Variants in KATNIP observed in about 807,000 individuals in gnomAD.
The protein encoded by KATNIP is katanin-interacting protein.
In KATNIP, 126 loss-of-function variants were observed where a neutral mutation model predicts 174.0. The observed-to-expected ratio is 0.72, with a 90% CI of 0.63 to 0.84. The LOEUF is 0.84. KATNIP is among the 40% of genes least tolerant of loss of function. The pLI is 0.00. For synonymous variants in KATNIP, 810 were observed against 835.7 expected (o/e 0.97, Z 0.53); for missense variants, 1,958 against 2,109.7 (o/e 0.93, Z 1.41).
At chr16:27,674,574 G>A (rs756275340) in intron 6 of KATNIP, among the ~76,000 whole-genome samples, 1 of 152,104 alleles carries the variant, frequency 6.6e-6, no homozygotes, top group Admixed American at 6.5e-5. Flanking sequence ...ATTTGATGTT[G>A]ATCTTCCTGC....
At chr16:27,601,875 C>T (rs2075538294) in intron 2 of KATNIP, among the ~76,000 whole-genome samples, 1 of 152,154 alleles carries the variant, frequency 6.6e-6, no homozygotes, top group African/African-American at 2.4e-5. Context: ...GCCTGCTGGG[C>T]TGGTGGTGAT....
intron 13 of KATNIP, among the ~76,000 whole-genome samples, chr16:27,720,960 G>A (rs1298163583): frequency 2.0e-5 from 3 of 152,164 alleles, no homozygotes; most frequent in Non-Finnish European, 4.4e-5. Flanking sequence ...GAGAATGACA[G>A]CAAGGCGTCT....
At position 27,615,790 on chromosome 16, in the gene KATNIP, C is replaced by T. The variant is rs891018822; in HGVS notation, c.64-2635C>T. On this transcript the variant is annotated intron_variant, in intron 2 of 27. Transcript: ENST00000261588. ...CAATGGAAAAGGATGGAGAGAAGAC[C>T]TATTGCATTAAGTTAAGGTGGTCCT... 3.3e-5 allele frequency among the ~76,000 whole-genome samples: 5 copies of T among 152,246 alleles called. 1 individual carries two copies. Among genetic ancestry groups the T allele is most frequent in the Admixed American group, 2.0e-4 (3 of 15,294 alleles).
chr16:27,596,399 A>C (rs1262287040), intron 2 of KATNIP, among the ~76,000 whole-genome samples: 1 of 152,140 alleles, frequency 6.6e-6, no homozygotes, highest in Non-Finnish European at 1.5e-5. Context: ...AGAGAGAGTG[A>C]GAGCAGGCTT....
chr16:27,716,927 C>G (rs983969967), intron 13 of KATNIP, among the ~76,000 whole-genome samples: 3 of 152,140 alleles, frequency 2.0e-5, no homozygotes, highest in Non-Finnish European at 4.4e-5. Context: ...TCACTGCAAC[C>G]TCCACCTCCC....
chr16:27,735,926 A>AT (rs1431944510), intron 14 of KATNIP, among the ~76,000 whole-genome samples: 2 of 152,214 alleles, frequency 1.3e-5, no homozygotes, highest in South Asian at 2.1e-4. Flanking sequence ...GATCAGGTTC[A>AT]TTCTTAGAGC....
intron 8 of KATNIP, among the ~76,000 whole-genome samples, chr16:27,688,933 C>T (rs896190081): frequency 1.9e-4 from 29 of 152,172 alleles, no homozygotes; most frequent in Admixed American, 3.9e-4. Flanking sequence ...TGGCATGGCC[C>T]AGGCTGAGCC....
chr16:27,596,065 G>T (rs1395576475), intron 2 of KATNIP, among the ~76,000 whole-genome samples: 2 of 151,494 alleles, frequency 1.3e-5, no homozygotes, highest in African/African-American at 4.9e-5. Context: ...GGCAGTGGGA[G>T]CCAGGGGAGC....
chr16:27,608,144 A>G (rs1019939556), intron 2 of KATNIP, among the ~76,000 whole-genome samples: 1 of 151,956 alleles, frequency 6.6e-6, no homozygotes, highest in East Asian at 1.9e-4. Flanking sequence ...GTCTTTAAGT[A>G]TAACTGATTC....
chr16:27,667,498 C>A (rs1305468827), intron 6 of KATNIP, among the ~76,000 whole-genome samples: 1 of 152,046 alleles, frequency 6.6e-6, no homozygotes, highest in Non-Finnish European at 1.5e-5. Context: ...GCAATATATG[C>A]CAGACTCAAG....
At chr16:27,694,101 A>G (rs573438338) in intron 8 of KATNIP, among the ~76,000 whole-genome samples, 2 of 152,062 alleles carry the variant, frequency 1.3e-5, no homozygotes, top group East Asian at 3.9e-4. Flanking sequence ...CTATTCCTTC[A>G]TTTTAGCTTA....
At chr16:27,680,253 CG>C (rs1225234278) in intron 7 of KATNIP, among the ~76,000 whole-genome samples, 1 of 152,148 alleles carries the variant, frequency 6.6e-6, no homozygotes. Context: ...GGCGCACCTG[CG>C]GGAGCAGCAA....
At chr16:27,735,036 G>GA in intron 14 of KATNIP, among the ~76,000 whole-genome samples, 1 of 152,318 alleles carries the variant, frequency 6.6e-6, no homozygotes, top group East Asian at 1.9e-4. Context: ...TCCCTATGGG[G>GA]ACCCCACTCT....
intron 14 of KATNIP, among the ~76,000 whole-genome samples, chr16:27,730,706 C>T (rs1490370231): frequency 1.3e-5 from 2 of 152,204 alleles, no homozygotes; most frequent in Non-Finnish European, 2.9e-5. Flanking sequence ...CTGCCTTAGG[C>T]CCCTTGTGGG....
intron 21 of KATNIP, among the ~76,000 whole-genome samples, chr16:27,770,864 A>G (rs1473953100): frequency 1.3e-5 from 2 of 152,190 alleles, no homozygotes; most frequent in Non-Finnish European, 2.9e-5. Flanking sequence ...CAAAGCCATC[A>G]GGGCTGTGCC....
At chr16:27,614,222 G>C (rs1474301304) in intron 2 of KATNIP, among the ~76,000 whole-genome samples, 1 of 151,982 alleles carries the variant, frequency 6.6e-6, no homozygotes, top group Non-Finnish European at 1.5e-5. Context: ...CTGGAGTGCA[G>C]TGGTGCTATC....
chr16:27,630,712 C>G (rs1400071313), intron 4 of KATNIP, among the ~76,000 whole-genome samples: 1 of 152,214 alleles, frequency 6.6e-6, no homozygotes, highest in East Asian at 1.9e-4. Flanking sequence ...GATTCACCCT[C>G]TACACTCTTT....
chr16:27,632,674 C>A, intron 5 of KATNIP: 1 of 454,958 alleles, frequency 2.2e-6, no homozygotes, highest in Non-Finnish European at 4.4e-6. Flanking sequence ...GGGCAGCAGG[C>A]AGGCTGGTTG....
At chr16:27,675,600 C>A (rs1014600880) in intron 6 of KATNIP, among the ~76,000 whole-genome samples, 2 of 152,196 alleles carry the variant, frequency 1.3e-5, no homozygotes. Flanking sequence ...AGTCATTCTT[C>A]CTTTTTCAGG....
Sources: gnomAD v4.1 joint callset for allele counts (sites outside exome capture counted in the v4.1 genomes callset) on GRCh38, gnomAD v4.1.1 for gene constraint, MANE v1.5 for transcripts, NCBI Gene and HGNC (gene_info 2026-07-23, HGNC 2026-07-21) for gene names.